TTC29: variants seen among roughly 807,000 people sequenced by gnomAD.
TTC29 encodes tetratricopeptide repeat protein 29.
Under a neutral mutation model 58.1 loss-of-function variants are expected in TTC29, and 49 were observed. The ratio of observed to expected loss-of-function variants is 0.84; its 90% confidence interval spans 0.67 to 1.07. The LOEUF (loss-of-function observed/expected upper bound fraction) is 1.07, where lower values mean the gene tolerates loss of function less well. Among genes scored for constraint, TTC29 ranks in the 50% least tolerant of loss-of-function variants. TTC29 has a pLI of 0.00. For synonymous variants in TTC29, 209 were observed against 196.8 expected, an observed-to-expected ratio of 1.06 and a Z score of -0.52; for missense variants, 582 against 555.6, an observed-to-expected ratio of 1.05 and a Z score of -0.48.
In TTC29 at chr4:146,831,173, T is replaced by C. The variant is rs1053483075; in HGVS notation, c.977+2633A>G. ...ATCCCCTGCACTGTCTTGTGCATTG[T>C]GGCATTGTATAACATTATAAAATTA... On this transcript the variant is annotated intron_variant, in intron 9 of 12. Transcript: ENST00000325106. Among the ~76,000 whole-genome samples, 11 of 152,316 alleles carry C rather than the reference T, an allele frequency of 7.2e-5. 1 individual carries two copies. In the East Asian group the frequency reaches 2.1e-3, roughly 29 times the overall value.
intron 11 of TTC29, among the ~76,000 whole-genome samples, chr4:146,796,827 G>A: frequency 6.6e-6 from 1 of 152,098 alleles, no homozygotes; most frequent in Non-Finnish European, 1.5e-5. Flanking sequence ...ATGCAAAGAT[G>A]TATGCCATGA....
intron 6 of TTC29, among the ~76,000 whole-genome samples, chr4:146,899,833 C>A (rs1733021050): frequency 6.6e-6 from 1 of 152,158 alleles, no homozygotes; most frequent in Non-Finnish European, 1.5e-5. Context: ...TGGGCCCTGA[C>A]CACCTGCCCG....
intron 11 of TTC29, among the ~76,000 whole-genome samples, chr4:146,738,960 G>A (rs924566437): frequency 1.3e-5 from 2 of 152,194 alleles, no homozygotes; most frequent in Non-Finnish European, 1.5e-5. Flanking sequence ...CTCTTCACCT[G>A]TACCTTTGTA....
chr4:146,707,203 A>AT lies in TTC29; in HGVS notation c.1398-16dup. The AT allele has an allele frequency of 6.1e-6, 9 of 1,470,618 alleles. No individual in the cohort carries two copies. The highest frequency in any genetic ancestry group is 7.3e-6 in the Non-Finnish European group (8 of 1,095,216). 91.1% of individuals were successfully genotyped at this position (1,470,618 alleles called of 1,614,324 possible). A position where few individuals can be genotyped will look rare whatever the true frequency, so the allele number is the denominator to read the frequency against. On this transcript the variant is annotated splice_polypyrimidine_tract_variant and intron_variant, in intron 12 of 12. Transcript: ENST00000325106. Reference sequence around the variant, plus strand: ...CACCTGGAAACCTGAAATAAAATAAATTATAAATTTAACTTTTATACTGGG... The same window carrying AT: ...CACCTGGAAACCTGAAATAAAATAAATTTATAAATTTAACTTTTATACTGGG...
chr4:146,829,300 G>A (rs1461694031), intron 9 of TTC29, among the ~76,000 whole-genome samples: 1 of 152,186 alleles, frequency 6.6e-6, no homozygotes, highest in Non-Finnish European at 1.5e-5. Flanking sequence ...ATCACACTTG[G>A]CCTACTGTTT....
intron 6 of TTC29, among the ~76,000 whole-genome samples, chr4:146,893,803 C>T (rs1341414517): frequency 6.6e-6 from 1 of 152,156 alleles, no homozygotes; most frequent in East Asian, 1.9e-4. Context: ...GGGCTAATAT[C>T]CAGAATCTAC....
At chr4:146,742,678 T>C in intron 11 of TTC29, among the ~76,000 whole-genome samples, 1 of 140,062 alleles carries the variant, frequency 7.1e-6, no homozygotes, top group East Asian at 2.2e-4. Flanking sequence ...CAATTCCTTC[T>C]TTCCTCTTCT....
intron 11 of TTC29, among the ~76,000 whole-genome samples, chr4:146,793,742 A>G (rs998940279): frequency 8.6e-4 from 131 of 152,260 alleles, no homozygotes; most frequent in African/African-American, 3.1e-3. Context: ...ATCTTTTATA[A>G]ATCATATTTG....
chr4:146,708,326 A>ATATACATGTATGTGTGTG lies in TTC29; in HGVS notation c.1331-776_1331-775insCACACACATACATGTATA, dbSNP rs1561046754. Among the ~76,000 whole-genome samples, 66 of 39,324 alleles carry ATATACATGTATGTGTGTG rather than the reference A, an allele frequency of 1.7e-3. 1 individual carries two copies. Among genetic ancestry groups the ATATACATGTATGTGTGTG allele is most frequent in the Admixed American group, 5.5e-3 (18 of 3,298 alleles). The allele number at this position is 39,324 out of a possible 152,430, so 25.8% of individuals were successfully genotyped here. On this transcript the variant is annotated intron_variant, in intron 11 of 12. Transcript: ENST00000325106. ...GGGAAGTTTATATATATATATATAT[A>ATATACATGTATGTGTGTG]TATATATATATATATATATATATAT...
chr4:146,866,424 T>A (rs1333272770), intron 8 of TTC29, among the ~76,000 whole-genome samples: 2 of 151,312 alleles, frequency 1.3e-5, no homozygotes, highest in Non-Finnish European at 3.0e-5. Context: ...TCTCAAAAAC[T>A]TTTTTTTTGG....
intron 11 of TTC29, among the ~76,000 whole-genome samples, chr4:146,773,654 G>A (rs571611550): frequency 1.3e-5 from 2 of 152,144 alleles, no homozygotes; most frequent in East Asian, 3.9e-4. Flanking sequence ...TTTTGTTGTG[G>A]ATTTTTACAT....
chr4:146,734,797 T>C (rs549103915), intron 11 of TTC29, among the ~76,000 whole-genome samples: 2 of 152,160 alleles, frequency 1.3e-5, no homozygotes, highest in East Asian at 3.9e-4. Context: ...GTGGCAGTGA[T>C]GGGATCTGCT....
chr4:146,712,474 C>T (rs942145604), intron 11 of TTC29, among the ~76,000 whole-genome samples: 1 of 152,060 alleles, frequency 6.6e-6, no homozygotes, highest in Non-Finnish European at 1.5e-5. Flanking sequence ...GTTTGTAAAA[C>T]GGCTGGTCAG....
chr4:146,725,764 A>G (rs1032909044), intron 11 of TTC29, among the ~76,000 whole-genome samples: 1 of 152,190 alleles, frequency 6.6e-6, no homozygotes, highest in Non-Finnish European at 1.5e-5. Flanking sequence ...AATAGCCTAT[A>G]TAGTTTAAAG....
chr4:146,760,873 A>G (rs1309280916), intron 11 of TTC29, among the ~76,000 whole-genome samples: 1 of 149,638 alleles, frequency 6.7e-6, no homozygotes, highest in Non-Finnish European at 1.5e-5. Context: ...TACTATATAT[A>G]TATATATATG....
chr4:146,780,249 T>C (rs548756487), intron 11 of TTC29, among the ~76,000 whole-genome samples: 128 of 151,752 alleles, frequency 8.4e-4, no homozygotes, highest in African/African-American at 3.0e-3. Flanking sequence ...AGCATTTTAA[T>C]GGGTATAGGA....
At chr4:146,710,412 A>G (rs1387608509) in intron 11 of TTC29, among the ~76,000 whole-genome samples, 3 of 152,176 alleles carry the variant, frequency 2.0e-5, no homozygotes, top group African/African-American at 7.2e-5. Flanking sequence ...TTTCAGCTCC[A>G]TTATAAACTT....
chr4:146,713,706 T>C (rs1376651878), intron 11 of TTC29, among the ~76,000 whole-genome samples: 1 of 152,170 alleles, frequency 6.6e-6, no homozygotes, highest in Non-Finnish European at 1.5e-5. Flanking sequence ...TTAAAATTTA[T>C]GCAAAGATCA....
intron 4 of TTC29, among the ~76,000 whole-genome samples, chr4:146,936,027 T>G (rs1290657239): frequency 6.6e-6 from 1 of 152,190 alleles, no homozygotes; most frequent in Admixed American, 6.5e-5. Context: ...ACAAGCTATC[T>G]CCATACTAAT....
Sources: gnomAD v4.1 joint callset for allele counts (sites outside exome capture counted in the v4.1 genomes callset) on GRCh38, gnomAD v4.1.1 for gene constraint, MANE v1.5 for transcripts, NCBI Gene and HGNC (gene_info 2026-07-23, HGNC 2026-07-21) for gene names.